OSBPL6: variants seen among roughly 807,000 people sequenced by gnomAD.
OSBPL6 encodes the protein oxysterol-binding protein-related protein 6.
In OSBPL6, 49 loss-of-function variants were observed where a neutral mutation model predicts 125.8. The observed-to-expected ratio is 0.39, with a 90% CI of 0.31 to 0.49. OSBPL6 has a LOEUF of 0.49. Among genes scored for constraint, OSBPL6 ranks in the 20% least tolerant of loss-of-function variants. The pLI, the probability that OSBPL6 is intolerant of heterozygous loss-of-function variation, is 0.88. For synonymous variants in OSBPL6, 394 were observed against 391.8 expected (o/e 1.01, Z -0.07); for missense variants, 986 against 1,135.4 (o/e 0.87, Z 1.89).
chr2:178,267,168 A>AGTATAAG (rs2092256523), intron 1 of OSBPL6, among the ~76,000 whole-genome samples: 1 of 152,116 alleles, frequency 6.6e-6, no homozygotes, highest in East Asian at 1.9e-4. Context: ...AGCCTAGCCA[A>AGTATAAG]CATGGGGAAA....
chr2:178,324,995 G>A (rs1424004477), intron 4 of OSBPL6, among the ~76,000 whole-genome samples: 1 of 152,198 alleles, frequency 6.6e-6, no homozygotes, highest in Non-Finnish European at 1.5e-5. Flanking sequence ...AGAGAACACT[G>A]CAGATTATTT....
intron 1 of OSBPL6, among the ~76,000 whole-genome samples, chr2:178,239,524 C>A (rs1287202951): frequency 6.6e-6 from 1 of 151,502 alleles, no homozygotes; most frequent in Non-Finnish European, 1.5e-5. Flanking sequence ...ACAGTGAGAC[C>A]CTGTCTCAAA....
chr2:178,336,229 G>C, intron 8 of OSBPL6, 72 bp from the exon 9 acceptor site: 1 of 1,521,830 alleles, frequency 6.6e-7, no homozygotes, highest in Non-Finnish European at 8.9e-7. Flanking sequence ...ACGGTTTTGA[G>C]GATACTTGTA....
chr2:178,275,737 GA>G (rs35274125), intron 1 of OSBPL6, among the ~76,000 whole-genome samples: 50,910 of 148,548 alleles, frequency 0.34, 10,499 homozygotes, highest in East Asian at 0.63. Flanking sequence ...AAAAAAGAGG[GA>G]AAAAAAAAAA....
intron 1 of OSBPL6, among the ~76,000 whole-genome samples, chr2:178,241,813 A>T (rs2153990773): frequency 6.6e-6 from 1 of 152,324 alleles, no homozygotes; most frequent in African/African-American, 2.4e-5. Context: ...ACATAATGAC[A>T]TTTCAGTCAA....
At chr2:178,258,754 T>C (rs2091964574) in intron 1 of OSBPL6, among the ~76,000 whole-genome samples, 2 of 89,380 alleles carry the variant, frequency 2.2e-5, no homozygotes, top group South Asian at 6.5e-4. Context: ...ACCAGGGCTG[T>C]TTTGACTTTT....
At chr2:178,347,622 G>A (rs918326001) in intron 11 of OSBPL6, among the ~76,000 whole-genome samples, 18 of 152,290 alleles carry the variant, frequency 1.2e-4, no homozygotes, top group African/African-American at 4.1e-4. Flanking sequence ...CTCAGTCCTT[G>A]TTATTATTAA....
At chr2:178,200,711 A>G (rs2089202161) in intron 1 of OSBPL6, among the ~76,000 whole-genome samples, 1 of 152,146 alleles carries the variant, frequency 6.6e-6, no homozygotes, top group Non-Finnish European at 1.5e-5. Flanking sequence ...AATATTTTCT[A>G]TAATTCCTTG....
chr2:178,197,188 C>T (rs2088951862), intron 1 of OSBPL6, among the ~76,000 whole-genome samples: 1 of 152,086 alleles, frequency 6.6e-6, no homozygotes, highest in South Asian at 2.1e-4. Context: ...AAATTATATT[C>T]CCAAATGGTT....
Position 178,402,656 on chromosome 2 carries a change from C to T in OSBPL6, c.*7097C>T, listed in dbSNP as rs748937245. On this transcript the variant is annotated 3_prime_UTR_variant, in exon 25 of 25. Coordinates refer to ENST00000190611, the MANE Select transcript of OSBPL6 (RefSeq NM_032523.4). ...ACAGTAGTTATGTACTGTTCGTTTG[C>T]ATACGGTCATTTTGAGATAGAAAAA... 6 of 152,178 alleles carry T rather than the reference C, an allele frequency of 3.9e-5. No homozygotes were observed. Among genetic ancestry groups the T allele is most frequent in the Admixed American group, 6.5e-5 (1 of 15,284 alleles). 9.4% of individuals were successfully genotyped at this position (152,178 alleles called of 1,614,324 possible).
chr2:178,249,873 C>G (rs1270345220), intron 1 of OSBPL6, among the ~76,000 whole-genome samples: 1 of 146,772 alleles, frequency 6.8e-6, no homozygotes, highest in African/African-American at 2.6e-5. Flanking sequence ...TACTCAAATC[C>G]TGAACATTTT....
Position 178,328,295 on chromosome 2 carries a change from G to A in OSBPL6, c.235G>A (p.Gly79Ser), listed in dbSNP as rs1688875644. 6.2e-7 allele frequency: 1 copy of A among 1,613,812 alleles called. No homozygotes were observed. The highest frequency in any genetic ancestry group is 8.5e-7 in the Non-Finnish European group (1 of 1,179,836). The change falls in exon 5 of 25, where the codon GGC becomes AGC. Residue 79 changes from glycine (G) to serine (S), a missense_variant. Gly to Ser is a moderately conservative substitution (Grantham distance 56, BLOSUM62 0). Coordinates refer to ENST00000190611, the MANE Select transcript of OSBPL6 (RefSeq NM_032523.4). ...SWEIIEGLKI[G>S]QTNVQKPDKH... ...GGAAATTATAGAAGGGCTGAAAATA[G>A]GCCAAACCAATGTCCAGAAACCAGA...
intron 1 of OSBPL6, among the ~76,000 whole-genome samples, chr2:178,248,432 T>C (rs933880458): frequency 6.6e-6 from 1 of 152,236 alleles, no homozygotes; most frequent in Non-Finnish European, 1.5e-5. Context: ...ACAGTTTTTT[T>C]CCTGTGATTT....
At chr2:178,261,145 AC>A (rs1294460491) in intron 1 of OSBPL6, among the ~76,000 whole-genome samples, 2 of 151,956 alleles carry the variant, frequency 1.3e-5, no homozygotes, top group East Asian at 3.8e-4. Context: ...ACAAAACAAT[AC>A]AAACAAAACA....
intron 1 of OSBPL6, among the ~76,000 whole-genome samples, chr2:178,271,271 C>G (rs1372654683): frequency 6.6e-6 from 1 of 152,062 alleles, no homozygotes; most frequent in African/African-American, 2.4e-5. Context: ...CATAAGAATG[C>G]TAATATGCCT....
rs759954379 is a variant in OSBPL6, at chr2:178,361,697, A to T, written c.1169A>T (p.Lys390Met). Residue 390 changes from lysine to methionine, a missense_variant, in exon 13 of 25, where the codon AAG becomes ATG. Around this residue, in one of 3 missense-constraint regions of OSBPL6, gnomAD observed 843 missense variants for 997.3 expected, o/e 0.85. Transcript: ENST00000190611. ...LIAQKVHSLL[K>M]SAFNSIAIEK... ...CCCCACCCAGTGCATTCTCTTTTGAAGTCTGCATTTAATAGCATAGCTATA... is the reference window on the plus strand; with the variant it reads ...CCCCACCCAGTGCATTCTCTTTTGATGTCTGCATTTAATAGCATAGCTATA... 1 of 1,614,056 alleles carries T rather than the reference A, an allele frequency of 6.2e-7. No individual in the cohort carries two copies. Among genetic ancestry groups the T allele is most frequent in the Non-Finnish European group, 8.5e-7 (1 of 1,179,954 alleles).
At chr2:178,335,287 C>G (rs1689580166) in intron 8 of OSBPL6, among the ~76,000 whole-genome samples, 1 of 151,990 alleles carries the variant, frequency 6.6e-6, no homozygotes, top group Admixed American at 6.6e-5. Flanking sequence ...GAATGGAAGA[C>G]TAAAATCAAA....
At chr2:178,334,101 TAAA>T (rs1023761794) in intron 8 of OSBPL6, among the ~76,000 whole-genome samples, 3 of 151,672 alleles carry the variant, frequency 2.0e-5, no homozygotes, top group Middle Eastern at 3.2e-3. Context: ...TGTTGTTTGT[TAAA>T]AAAAAATCAA....
intron 1 of OSBPL6, among the ~76,000 whole-genome samples, chr2:178,234,378 A>G (rs563554588): frequency 1.4e-3 from 210 of 152,224 alleles, no homozygotes; most frequent in Non-Finnish European, 2.4e-3. Flanking sequence ...CCGCAGTATA[A>G]CCTACCGGCT....
Sources: gnomAD v4.1 joint callset for allele counts (sites outside exome capture counted in the v4.1 genomes callset) on GRCh38, gnomAD v4.1.1 for gene constraint, gnomAD v4.1.1 regional missense constraint, MANE v1.5 for transcripts, NCBI Gene and HGNC (gene_info 2026-07-23, HGNC 2026-07-21) for gene names.